Variants in PRKCB observed in about 807,000 individuals in gnomAD.
The protein encoded by PRKCB is protein kinase C beta.
A neutral mutation model predicts 81.5 loss-of-function variants in PRKCB; 13 were observed. That is an observed-to-expected ratio of 0.16 (90% CI 0.10 to 0.25). The LOEUF is 0.25. PRKCB is among the 10% of genes least tolerant of loss of function. PRKCB has a pLI of 1.00. For missense variants in PRKCB, 509 were observed against 875.7 expected, an observed-to-expected ratio of 0.58 and a Z score of 5.29; for synonymous variants, 335 against 321.4, an observed-to-expected ratio of 1.04 and a Z score of -0.45.
chr16:23,863,196 G>GTATATATGTGTATACATACATACA (rs1567293362), intron 2 of PRKCB, among the ~76,000 whole-genome samples: 2 of 54,164 alleles, frequency 3.7e-5, no homozygotes, highest in African/African-American at 8.9e-5. Context: ...ACATACATAC[G>GTATATATGTGTATACATACATACA]TATATATGTG....
Position 23,949,504 on chromosome 16 carries a change from G to A in PRKCB, c.206-39004G>A, listed in dbSNP as rs113672590. On this transcript the variant is annotated intron_variant, in intron 2 of 16. Transcript: ENST00000643927. Reference sequence around the variant, plus strand: ...CTTTCCTGGGGGTCCAACTTCCTCCGTTCTGCCCCTCTTTTTTCTCTACCT... The same window carrying A: ...CTTTCCTGGGGGTCCAACTTCCTCCATTCTGCCCCTCTTTTTTCTCTACCT... Among the ~76,000 whole-genome samples, 7 of 152,282 alleles carry A rather than the reference G, an allele frequency of 4.6e-5. No homozygotes were observed. In the East Asian group the frequency reaches 5.8e-4, roughly 13 times the overall value.
rs967608839 is a variant in PRKCB, at chr16:24,068,883, T to G, written c.530-23908T>G. On this transcript the variant is annotated intron_variant, in intron 5 of 16. Transcript: ENST00000643927. The stretch of plus-strand genomic sequence containing the variant: ...AGGGGACCCTGAGAACTTTGGGGAG[T>G]GAAGATAGTGAAGTAAAGGTTGCTA... 3.9e-5 allele frequency among the ~76,000 whole-genome samples: 6 copies of G among 151,970 alleles called. No individual in the cohort carries two copies. In the East Asian group the frequency reaches 1.2e-3, roughly 29 times the overall value.
At chr16:24,139,893 G>A (rs937297315) in intron 9 of PRKCB, among the ~76,000 whole-genome samples, 2 of 152,152 alleles carry the variant, frequency 1.3e-5, no homozygotes, top group African/African-American at 2.4e-5. Flanking sequence ...TTCGAAAAGT[G>A]CTGCAGTCCT....
intron 2 of PRKCB, among the ~76,000 whole-genome samples, chr16:23,901,011 C>A (rs1002043106): frequency 6.6e-6 from 1 of 151,984 alleles, no homozygotes; most frequent in Non-Finnish European, 1.5e-5. Context: ...CCTTCTTGAC[C>A]GCCCCCTCTC....
intron 3 of PRKCB, among the ~76,000 whole-genome samples, chr16:23,998,893 T>C (rs1199627934): frequency 6.6e-6 from 1 of 152,202 alleles, no homozygotes; most frequent in Non-Finnish European, 1.5e-5. Flanking sequence ...CCCCTCTCTG[T>C]ATGAATGAAG....
At chr16:24,152,480 T>C (rs1319893134) in intron 9 of PRKCB, among the ~76,000 whole-genome samples, 1 of 152,200 alleles carries the variant, frequency 6.6e-6, no homozygotes, top group Non-Finnish European at 1.5e-5. Context: ...CCCTTCTTAC[T>C]GGGCTCTGGA....
chr16:24,028,830 A>T (rs1596519237), intron 3 of PRKCB, among the ~76,000 whole-genome samples: 1 of 150,922 alleles, frequency 6.6e-6, no homozygotes, highest in Admixed American at 6.6e-5. Context: ...CTTCTCTGTC[A>T]CCCAGGCTGG....
At chr16:23,887,691 G>A (rs532209542) in intron 2 of PRKCB, among the ~76,000 whole-genome samples, 3 of 152,218 alleles carry the variant, frequency 2.0e-5, no homozygotes, top group Non-Finnish European at 2.9e-5. Context: ...GGAATGATGT[G>A]TTTTCCTTTG....
At chr16:23,989,588 G>A (rs1596500924) in intron 3 of PRKCB, among the ~76,000 whole-genome samples, 1 of 152,282 alleles carries the variant, frequency 6.6e-6, no homozygotes, top group Admixed American at 6.5e-5. Context: ...TTGCATTTAT[G>A]ATAAGGATAT....
chr16:24,058,888 T>C (rs1044939891), intron 5 of PRKCB, among the ~76,000 whole-genome samples: 12 of 122,674 alleles, frequency 9.8e-5, no homozygotes, highest in African/African-American at 3.3e-4. Context: ...CCAGGAGCTA[T>C]TGATCCCTGT....
chr16:24,095,923 T>C (rs761665498), intron 7 of PRKCB, among the ~76,000 whole-genome samples: 3 of 152,152 alleles, frequency 2.0e-5, no homozygotes, highest in Non-Finnish European at 4.4e-5. Flanking sequence ...GAATTCAGGC[T>C]CCTCTCATCC....
intron 2 of PRKCB, among the ~76,000 whole-genome samples, chr16:23,977,362 T>G (rs1964639339): frequency 1.3e-5 from 2 of 152,108 alleles, no homozygotes; most frequent in Non-Finnish European, 2.9e-5. Context: ...CAGGAGCTTT[T>G]AAAACGTACT....
intron 2 of PRKCB, among the ~76,000 whole-genome samples, chr16:23,947,671 GAGTAA>G: frequency 6.6e-6 from 1 of 152,198 alleles, no homozygotes; most frequent in South Asian, 2.1e-4. Flanking sequence ...GAGTTAGGAG[GAGTAA>G]AGGTAAGGGT....
intron 2 of PRKCB, among the ~76,000 whole-genome samples, chr16:23,943,128 A>C (rs920317386): frequency 1.3e-5 from 2 of 152,216 alleles, no homozygotes; most frequent in Non-Finnish European, 2.9e-5. Flanking sequence ...GCCATCCACC[A>C]GACTTGTTGC....
At chr16:23,863,502 G>A (rs1055258246) in intron 2 of PRKCB, among the ~76,000 whole-genome samples, 1 of 152,102 alleles carries the variant, frequency 6.6e-6, no homozygotes, top group Non-Finnish European at 1.5e-5. Context: ...ATGTCACAGA[G>A]CTCTTAAGTG....
At position 24,218,167 on chromosome 16, in the gene PRKCB, GAA is replaced by G. The variant is rs1968260859; in HGVS notation, c.*3353_*3354del. On this transcript the variant is annotated 3_prime_UTR_variant, in exon 17 of 17. Transcript: ENST00000643927. The stretch of plus-strand genomic sequence containing the variant: ...CTCCAAGAATATTGTTTCTTGGAGA[GAA>G]ATAATAAATAAACAAGACAATTTCT... 1 of 985,120 alleles carries G rather than the reference GAA, an allele frequency of 1.0e-6. No homozygotes were observed. The highest frequency in any genetic ancestry group is 4.7e-5 in the South Asian group (1 of 21,272). The allele number at this position is 985,120 out of a possible 1,614,324, so 61.0% of individuals were successfully genotyped here.
At chr16:23,867,038 TTCCTTCCTTCC>T in intron 2 of PRKCB, among the ~76,000 whole-genome samples, 2 of 90,740 alleles carry the variant, frequency 2.2e-5, no homozygotes, top group African/African-American at 5.0e-5. Flanking sequence ...CCTTCCTTCC[TTCCTTCCTTCC>T]TTCTCTCTCT....
At chr16:24,093,099 C>T in intron 6 of PRKCB, 152 bp downstream of exon 6, 2 of 872,500 alleles carry the variant, frequency 2.3e-6, no homozygotes, top group Middle Eastern at 3.1e-4. Flanking sequence ...CTATCTTTCC[C>T]TCCCTTCTTT....
intron 3 of PRKCB, among the ~76,000 whole-genome samples, chr16:24,023,562 G>T (rs892522377): frequency 1.3e-5 from 2 of 152,054 alleles, no homozygotes; most frequent in Non-Finnish European, 2.9e-5. Flanking sequence ...TAGAGACGGG[G>T]TTTCACCGTG....
Sources: allele counts gnomAD v4.1 joint callset (sites outside exome capture counted in the v4.1 genomes callset), GRCh38; gene constraint gnomAD v4.1.1; transcripts MANE v1.5; gene names NCBI Gene and HGNC (gene_info 2026-07-23, HGNC 2026-07-21).